The following MEI4 variants were observed in gnomAD, a reference collection of about 807,000 sequenced individuals.
MEI4 encodes the protein meiotic double-stranded break formation protein 4.
A neutral mutation model predicts 31.4 loss-of-function variants in MEI4; 27 were observed. That is an observed-to-expected ratio of 0.86 (90% CI 0.63 to 1.19). The LOEUF (loss-of-function observed/expected upper bound fraction) is 1.19, where lower values mean the gene tolerates loss of function less well. Ranked by LOEUF, MEI4 falls within the 50% of genes most tolerant of loss-of-function variation. MEI4 has a pLI of 0.00. For synonymous variants in MEI4, 122 were observed against 145.4 expected, an observed-to-expected ratio of 0.84 and a Z score of 1.16; for missense variants, 329 against 398.9, an observed-to-expected ratio of 0.82 and a Z score of 1.49.
At chr6:77,827,014 A>G (rs1477455760) in intron 3 of MEI4, among the ~76,000 whole-genome samples, 1 of 152,154 alleles carries the variant, frequency 6.6e-6, no homozygotes, top group Non-Finnish European at 1.5e-5. Context: ...TACAGGAATC[A>G]TTCCCCAAAC....
intron 3 of MEI4, among the ~76,000 whole-genome samples, chr6:77,763,371 G>T (rs1395089510): frequency 6.6e-6 from 1 of 152,114 alleles, no homozygotes; most frequent in South Asian, 2.1e-4. Context: ...CACAGCACCA[G>T]GACTTGTGCA....
intron 4 of MEI4, among the ~76,000 whole-genome samples, chr6:77,846,205 C>T (rs1250226603): frequency 4.6e-5 from 7 of 152,064 alleles, no homozygotes; most frequent in East Asian, 1.9e-4. Context: ...CTCTACCTCC[C>T]GGGTTCACGC....
chr6:77,734,684 T>C (rs1308814990), intron 2 of MEI4, among the ~76,000 whole-genome samples: 1 of 151,694 alleles, frequency 6.6e-6, no homozygotes, highest in Non-Finnish European at 1.5e-5. Flanking sequence ...GTCATTATGT[T>C]AGCTGGTTAT....
chr6:77,774,363 G>A (rs6454005), intron 3 of MEI4, among the ~76,000 whole-genome samples: 83,528 of 151,938 alleles, frequency 0.55, 25,152 homozygotes, highest in African/African-American at 0.79. Flanking sequence ...CATTTGCAAC[G>A]ACATTGATGG....
At chr6:77,797,655 G>A (rs960971293) in intron 3 of MEI4, among the ~76,000 whole-genome samples, 1 of 152,076 alleles carries the variant, frequency 6.6e-6, no homozygotes, top group Non-Finnish European at 1.5e-5. Context: ...GTTGTCCAAG[G>A]GTAGGAGGAA....
chr6:77,908,878 G>C (rs1766363142), intron 4 of MEI4, among the ~76,000 whole-genome samples: 1 of 151,932 alleles, frequency 6.6e-6, no homozygotes, highest in Admixed American at 6.6e-5. Flanking sequence ...CAAAGAGAGA[G>C]ACTTAGACTC....
chr6:77,695,222 A>C (rs1365768675), intron 2 of MEI4, among the ~76,000 whole-genome samples: 1 of 151,754 alleles, frequency 6.6e-6, no homozygotes, highest in Non-Finnish European at 1.5e-5. Flanking sequence ...TTGCCTGTTC[A>C]CTCTGATGGT....
chr6:77,824,148 G>A (rs925230087), intron 3 of MEI4, among the ~76,000 whole-genome samples: 5 of 152,118 alleles, frequency 3.3e-5, no homozygotes, highest in Non-Finnish European at 7.4e-5. Flanking sequence ...GGAGTGAAGT[G>A]GAATGAGCTC....
In MEI4 at chr6:77,820,156, T is replaced by C. The variant is rs1769782890; in HGVS notation, c.769-8775T>C. Reference sequence around the variant, plus strand: ...AAACTGAAATATAAAAGTAAGTATTTTAAAACTTTAAAATAAATAGACATA... The same window carrying C: ...AAACTGAAATATAAAAGTAAGTATTCTAAAACTTTAAAATAAATAGACATA... On this transcript the variant is annotated intron_variant, in intron 3 of 4. Coordinates refer to ENST00000684080, the MANE Select transcript of MEI4 (RefSeq NM_001322247.2). The surrounding 1 kb of genome is among the most constrained non-coding windows in gnomAD (Gnocchi z 4.5). Among the ~76,000 whole-genome samples the C allele has an allele frequency of 6.6e-6, 1 of 152,174 alleles. No individual in the cohort carries two copies. The highest frequency in any genetic ancestry group is 2.4e-5 in the African/African-American group (1 of 41,454).
chr6:77,907,134 C>T (rs957760443), intron 4 of MEI4, among the ~76,000 whole-genome samples: 13 of 151,492 alleles, frequency 8.6e-5, no homozygotes, highest in Non-Finnish European at 1.5e-4. Context: ...TATTGAATTA[C>T]TAGCCATTTT....
At chr6:77,734,773 T>G (rs9352517) in intron 2 of MEI4, among the ~76,000 whole-genome samples, 1 of 151,822 alleles carries the variant, frequency 6.6e-6, no homozygotes, top group Non-Finnish European at 1.5e-5. Flanking sequence ...TGGCTGTTAC[T>G]GGTTGTTCCT....
chr6:77,657,536 A>G (rs918359041), intron 1 of MEI4, among the ~76,000 whole-genome samples: 2 of 151,694 alleles, frequency 1.3e-5, no homozygotes, highest in Non-Finnish European at 2.9e-5. Context: ...CTTCTTTACT[A>G]TGTGGTGTCA....
intron 3 of MEI4, among the ~76,000 whole-genome samples, chr6:77,821,499 A>G (rs1769823568): frequency 6.6e-6 from 1 of 152,050 alleles, no homozygotes; most frequent in African/African-American, 2.4e-5. Flanking sequence ...AAAGATGACT[A>G]TTAATAGTGC....
intron 2 of MEI4, among the ~76,000 whole-genome samples, chr6:77,730,840 A>G (rs7754203): frequency 0.15 from 20,526 of 138,454 alleles, 1,519 homozygotes; most frequent in Middle Eastern, 0.27. Context: ...CTGTGTTCTC[A>G]TTGTTCAATT....
At chr6:77,755,513 T>C (rs946842745) in intron 2 of MEI4, among the ~76,000 whole-genome samples, 1 of 151,872 alleles carries the variant, frequency 6.6e-6, no homozygotes, top group African/African-American at 2.4e-5. Context: ...CCACCTCCCA[T>C]GTTCAATCAG....
chr6:77,832,656 G>A (rs1168176977), intron 4 of MEI4, among the ~76,000 whole-genome samples: 1 of 151,976 alleles, frequency 6.6e-6, no homozygotes, highest in Non-Finnish European at 1.5e-5. Flanking sequence ...AGGGCGATTA[G>A]GATTAGAGAG....
In MEI4 at chr6:77,926,314, T is replaced by C. The variant is rs368952686; in HGVS notation, c.*2968T>C. The C allele has an allele frequency of 8.6e-5, 13 of 152,040 alleles. 1 individual carries two copies. In the South Asian group the frequency reaches 2.7e-3, roughly 31 times the overall value. 9.4% of individuals were successfully genotyped at this position (152,040 alleles called of 1,614,324 possible). On this transcript the variant is annotated 3_prime_UTR_variant, in exon 5 of 5. Transcript: ENST00000684080. Reference sequence around the variant, plus strand: ...CAGAGGAACAGCATCTTTGACCTTTTCAGGGTTGTAGCATCTTGCTACTCA... The same window carrying C: ...CAGAGGAACAGCATCTTTGACCTTTCCAGGGTTGTAGCATCTTGCTACTCA...
chr6:77,897,901 C>G (rs1318420339), intron 4 of MEI4, among the ~76,000 whole-genome samples: 1 of 151,946 alleles, frequency 6.6e-6, no homozygotes, highest in African/African-American at 2.4e-5. Context: ...GAGCTTTATA[C>G]TCCCTCAGTA....
At position 77,852,141 on chromosome 6, in the gene MEI4, G is replaced by A. The variant is rs147874369; in HGVS notation, c.900+23079G>A. Reference sequence around the variant, plus strand: ...GTAGCTTTGCTCTAAGAACTTAAATGTCCCTCTCTTAGCTGAGCCTCAGCC... The same window carrying A: ...GTAGCTTTGCTCTAAGAACTTAAATATCCCTCTCTTAGCTGAGCCTCAGCC... On this transcript the variant is annotated intron_variant, in intron 4 of 4. Transcript: ENST00000684080. Among the ~76,000 whole-genome samples, 222 of 152,256 alleles carry A rather than the reference G, an allele frequency of 1.5e-3. 1 individual carries two copies. The highest frequency in any genetic ancestry group is 2.6e-3 in the Non-Finnish European group (174 of 68,016).
Sources: allele counts gnomAD v4.1 joint callset (sites outside exome capture counted in the v4.1 genomes callset), GRCh38; gene constraint gnomAD v4.1.1; non-coding constraint Gnocchi (gnomAD v3.1); transcripts MANE v1.5; gene names NCBI Gene and HGNC (gene_info 2026-07-23, HGNC 2026-07-21).